Variants in MLPH observed in about 807,000 individuals in gnomAD.
MLPH encodes melanophilin.
A neutral mutation model predicts 72.1 loss-of-function variants in MLPH; 51 were observed. That is an observed-to-expected ratio of 0.71 (90% CI 0.56 to 0.89). The LOEUF is 0.89. Ranked by LOEUF, MLPH falls within the 40% of genes least tolerant of loss-of-function variation. The pLI is 0.00. For missense variants in MLPH, 743 were observed against 759.9 expected, an observed-to-expected ratio of 0.98 and a Z score of 0.26; for synonymous variants, 301 against 310.1, an observed-to-expected ratio of 0.97 and a Z score of 0.31.
In MLPH at chr2:237,540,977, G is replaced by A; in HGVS notation, c.1446+20G>A. The A allele has an allele frequency of 1.3e-6, 2 of 1,589,722 alleles. No homozygotes were observed. The highest frequency in any genetic ancestry group is 1.7e-6 in the Non-Finnish European group (2 of 1,169,044). On this transcript the variant is annotated intron_variant, in intron 11 of 15. Transcript: ENST00000264605. ...AGCGAGGTAGCCCAGAAGGCACAGG[G>A]GAGCACTGAGTTCCACAAACACAGA...
chr2:237,502,230 CAT>C (rs772137454), intron 2 of MLPH, among the ~76,000 whole-genome samples: 22 of 152,330 alleles, frequency 1.4e-4, no homozygotes, highest in East Asian at 5.8e-4. Flanking sequence ...AAGATTATCA[CAT>C]GTTATTATTT....
At chr2:237,511,372 G>T in intron 4 of MLPH, 1 of 427,592 alleles carries the variant, frequency 2.3e-6, no homozygotes, top group African/African-American at 2.0e-5. Context: ...TCAGCCTCCC[G>T]AAGTGCTGGG....
At chr2:237,548,537 C>A (rs1310641487) in intron 13 of MLPH, among the ~76,000 whole-genome samples, 1 of 152,094 alleles carries the variant, frequency 6.6e-6, no homozygotes, top group East Asian at 1.9e-4. Flanking sequence ...AGCTACAGGC[C>A]CATTTTACAG....
intron 8 of MLPH, among the ~76,000 whole-genome samples, chr2:237,533,527 G>A (rs559363438): frequency 5.7e-4 from 87 of 151,616 alleles, no homozygotes; most frequent in African/African-American, 2.1e-3. Context: ...CCGAGTAGCT[G>A]GGATTACAGG....
At chr2:237,497,353 A>T (rs73098880) in intron 2 of MLPH, among the ~76,000 whole-genome samples, 2 of 152,120 alleles carry the variant, frequency 1.3e-5, no homozygotes, top group Non-Finnish European at 2.9e-5. Context: ...TGAGTTTCTT[A>T]TTGTTTCATT....
At chr2:237,534,457 C>T (rs2080489487) in intron 8 of MLPH, 107 bp from the exon 9 acceptor site, 1 of 918,986 alleles carries the variant, frequency 1.1e-6, no homozygotes, top group Non-Finnish European at 1.8e-6. Flanking sequence ...CCTTAGCTCT[C>T]CTTCCGCTTC....
intron 8 of MLPH, among the ~76,000 whole-genome samples, chr2:237,530,270 C>G (rs550085804): frequency 6.6e-6 from 1 of 152,226 alleles, no homozygotes; most frequent in Non-Finnish European, 1.5e-5. Context: ...AGCAGGAAAT[C>G]TGTCCCGTGG....
chr2:237,529,145 C>T (rs1264870980), intron 8 of MLPH, among the ~76,000 whole-genome samples: 1 of 152,028 alleles, frequency 6.6e-6, no homozygotes, highest in Non-Finnish European at 1.5e-5. Context: ...TGGGTTCAAG[C>T]GATTCTCCTG....
Position 237,552,360 on chromosome 2 carries a change from C to T in MLPH, c.1699C>T (p.Arg567Trp), listed in dbSNP as rs928247753. 21 of 1,613,942 alleles carry T rather than the reference C, an allele frequency of 1.3e-5. No homozygotes were observed. Among genetic ancestry groups the T allele is most frequent in the East Asian group, 4.5e-5 (2 of 44,880 alleles). Residue 567 changes from arginine to tryptophan, a missense_variant, in exon 15 of 16, where the codon CGG becomes TGG. Arg to Trp is a moderately radical substitution (Grantham distance 101). Coordinates refer to ENST00000264605, the MANE Select transcript of MLPH (RefSeq NM_024101.7). ...AGGTAAAGATGATGATTCTTTTGAT[C>T]GGAAATCAGTGTACCGAGGCTCGCT... ...SQGKDDDSFDRKSVYRGSLTQ... is the reference protein window; with the variant it reads ...SQGKDDDSFDWKSVYRGSLTQ...
At chr2:237,493,731 A>G (rs1005165494) in intron 2 of MLPH, among the ~76,000 whole-genome samples, 195 bp downstream of exon 2, 1 of 152,214 alleles carries the variant, frequency 6.6e-6, no homozygotes, top group African/African-American at 2.4e-5. Context: ...CCAAACTGAC[A>G]TTCACTTGTT....
rs780725714 is a variant in MLPH, at chr2:237,540,320, A to C, written c.1105-28A>C. The C allele has an allele frequency of 1.6e-5, 25 of 1,612,378 alleles. No homozygotes were observed. The East Asian group carries it at 5.6e-4, about 36-fold the overall frequency. On this transcript the variant is annotated intron_variant, in intron 9 of 15. Coordinates refer to ENST00000264605, the MANE Select transcript of MLPH (RefSeq NM_024101.7). ...TCCATGGCTCCAGATGGCTAGCCGA[A>C]TCCAAATCCACTGGCCTGTTCTGTC...
chr2:237,506,682 G>A (rs1383794042), intron 2 of MLPH, among the ~76,000 whole-genome samples: 2 of 152,222 alleles, frequency 1.3e-5, no homozygotes, highest in East Asian at 1.9e-4. Flanking sequence ...AACTGATTAG[G>A]TCAGGGGTCG....
At position 237,510,577 on chromosome 2, in the gene MLPH, G is replaced by A. The variant is rs770835750; in HGVS notation, c.114G>A (p.Ala38=). Residue 38 remains alanine, a synonymous_variant, in exon 3 of 16, where the codon GCG becomes GCA. Transcript: ENST00000264605. This position sits in a 1 kb window ranked among gnomAD's most constrained non-coding sequence, Gnocchi z 4.4. The part of the protein sequence containing the change: ...LRRKEEERLE[A]LKGKIKKESS... ...TTGTTTCTGATATTTTCCCAAGGGCGTTGAAGGGCAAGATTAAGAAGGAAA... is the reference window on the plus strand; with the variant it reads ...TTGTTTCTGATATTTTCCCAAGGGCATTGAAGGGCAAGATTAAGAAGGAAA... 5.1e-5 allele frequency: 83 copies of A among 1,613,054 alleles called. No individual in the cohort carries two copies. Among genetic ancestry groups the A allele is most frequent in the Middle Eastern group, 1.6e-4 (1 of 6,084 alleles).
At position 237,512,020 on chromosome 2, in the gene MLPH, A is replaced by G. The variant is rs2106296465; in HGVS notation, c.445+919A>G. On this transcript the variant is annotated intron_variant, in intron 4 of 15. Coordinates refer to ENST00000264605, the MANE Select transcript of MLPH (RefSeq NM_024101.7). The surrounding 1 kb of genome is among the most constrained non-coding windows in gnomAD (Gnocchi z 5.5). ...GCATTCGGGTGGGACAGCCGCCACC[A>G]AGCCAGGTGTCTGGGGTCTCAGTGT... 6.6e-6 allele frequency among the ~76,000 whole-genome samples: 1 copy of G among 152,274 alleles called. No individual in the cohort carries two copies. The highest frequency in any genetic ancestry group is 2.4e-5 in the African/African-American group (1 of 41,548).
At chr2:237,529,182 A>T (rs1234063037) in intron 8 of MLPH, among the ~76,000 whole-genome samples, 1 of 152,036 alleles carries the variant, frequency 6.6e-6, no homozygotes, top group African/African-American at 2.4e-5. Flanking sequence ...AGCTGGGATC[A>T]CAGGCGCCCA....
chr2:237,529,328 C>A (rs147337338), intron 8 of MLPH, among the ~76,000 whole-genome samples: 218 of 152,326 alleles, frequency 1.4e-3, no homozygotes, highest in African/African-American at 4.8e-3. Context: ...CAGGTGTGAG[C>A]CTCCATGCCC....
intron 2 of MLPH, among the ~76,000 whole-genome samples, chr2:237,499,345 T>C (rs2079600552): frequency 6.6e-6 from 1 of 152,112 alleles, no homozygotes; most frequent in South Asian, 2.1e-4. Context: ...AAAATTATAA[T>C]TAAATAAAAT....
intron 6 of MLPH, among the ~76,000 whole-genome samples, chr2:237,524,910 G>C (rs900758071): frequency 6.6e-6 from 1 of 152,330 alleles, no homozygotes; most frequent in East Asian, 1.9e-4. Context: ...CCAGGAGGAG[G>C]GGGAAGCAGG....
rs1574894399 is a variant in MLPH at position 237,540,585 on chromosome 2, G to A, written c.1290+52G>A. The A allele has an allele frequency of 1.8e-5, 28 of 1,575,762 alleles. No individual in the cohort carries two copies. The East Asian group carries it at 6.5e-4, about 37-fold the overall frequency. On this transcript the variant is annotated intron_variant, in intron 10 of 15. Transcript: ENST00000264605. ...CAGGACCCTGCAGAGGTAGGGGCAG[G>A]GATGGACAGTCCCAGCTGGCAGCCA... is the stretch of plus-strand genomic sequence containing the variant.
Sources: gnomAD v4.1 joint callset for allele counts (sites outside exome capture counted in the v4.1 genomes callset) on GRCh38, gnomAD v4.1.1 for gene constraint, Gnocchi (gnomAD v3.1) non-coding constraint, MANE v1.5 for transcripts, NCBI Gene and HGNC (gene_info 2026-07-23, HGNC 2026-07-21) for gene names.